Variants in RNLS observed in about 807,000 individuals in gnomAD.
RNLS encodes the protein renalase, FAD dependent amine oxidase, also known as renalase.
A neutral mutation model predicts 39.8 loss-of-function variants in RNLS; 39 were observed. That is an observed-to-expected ratio of 0.98 (90% CI 0.76 to 1.28). The LOEUF (loss-of-function observed/expected upper bound fraction) is 1.28. Ranked by LOEUF, RNLS falls within the 50% of genes most tolerant of loss-of-function variation. The probability of loss-of-function intolerance (pLI) is 0.00; values close to 1 mark genes in which losing one functional copy is unlikely to be tolerated. For synonymous variants in RNLS, 147 were observed against 150.7 expected (o/e 0.98, Z 0.18); for missense variants, 410 against 413.3 (o/e 0.99, Z 0.07).
At chr10:88,499,290 AG>A (rs1845338715) in intron 4 of RNLS, among the ~76,000 whole-genome samples, 2 of 152,106 alleles carry the variant, frequency 1.3e-5, no homozygotes, top group Non-Finnish European at 1.5e-5. Context: ...TTGATCTCTC[AG>A]GGTGCAAAGC....
intron 4 of RNLS, among the ~76,000 whole-genome samples, chr10:88,562,206 CAT>C (rs1228315823): frequency 1.3e-5 from 2 of 151,932 alleles, no homozygotes; most frequent in East Asian, 3.9e-4. Flanking sequence ...GCATTAAGAG[CAT>C]CAGTTTATAA....
the RNLS span, among the ~76,000 whole-genome samples, chr10:88,203,974 A>G: frequency 5.9e-5 from 9 of 152,204 alleles, no homozygotes; most frequent in South Asian, 2.1e-4. Flanking sequence ...TCAGTCTTAC[A>G]CAAGTATTTT....
chr10:88,240,901 AT>A, the RNLS span, among the ~76,000 whole-genome samples: 11 of 149,654 alleles, frequency 7.4e-5, no homozygotes, highest in East Asian at 3.9e-4. Flanking sequence ...GTTGGCAAAG[AT>A]TTTTTTTTTC....
intron 4 of RNLS, among the ~76,000 whole-genome samples, chr10:88,476,502 C>G (rs1843830392): frequency 6.6e-6 from 1 of 152,114 alleles, no homozygotes; most frequent in African/African-American, 2.4e-5. Context: ...ACGGGGACAA[C>G]AGAGTAAATA....
chr10:88,287,251 A>G (rs117986824), intron 6 of RNLS, among the ~76,000 whole-genome samples: 1 of 152,292 alleles, frequency 6.6e-6, no homozygotes, highest in East Asian at 1.9e-4. Flanking sequence ...ACAAAAGTGA[A>G]ATATTAAGAG....
At chr10:88,480,152 C>T (rs1844071327) in intron 4 of RNLS, among the ~76,000 whole-genome samples, 1 of 152,208 alleles carries the variant, frequency 6.6e-6, no homozygotes, top group African/African-American at 2.4e-5. Context: ...TTTACTTCTA[C>T]CTTTGAGACA....
intron 4 of RNLS, among the ~76,000 whole-genome samples, chr10:88,392,131 A>T (rs1341803793): frequency 6.6e-6 from 1 of 152,270 alleles, no homozygotes; most frequent in Non-Finnish European, 1.5e-5. Context: ...ATTTTCAATT[A>T]TTTGTAGAAA....
chr10:88,341,769 G>A (rs1470236591), intron 5 of RNLS, among the ~76,000 whole-genome samples: 2 of 152,038 alleles, frequency 1.3e-5, no homozygotes, highest in African/African-American at 4.8e-5. Context: ...TAGCTTAAAT[G>A]TACTAAATTG....
At chr10:88,443,070 T>C (rs149251543) in intron 4 of RNLS, among the ~76,000 whole-genome samples, 1 of 152,342 alleles carries the variant, frequency 6.6e-6, no homozygotes, top group East Asian at 1.9e-4. Flanking sequence ...CGCCTGAAGA[T>C]TTAATCTGTT....
chr10:88,359,909 T>C (rs1478682233), intron 5 of RNLS, among the ~76,000 whole-genome samples: 2 of 152,356 alleles, frequency 1.3e-5, no homozygotes, highest in South Asian at 2.1e-4. Flanking sequence ...CCTTTCATAG[T>C]AGAAAATATC....
intron 6 of RNLS, among the ~76,000 whole-genome samples, chr10:88,285,896 G>A (rs895170161): frequency 6.6e-6 from 1 of 151,970 alleles, no homozygotes; most frequent in African/African-American, 2.4e-5. Flanking sequence ...ATTAGATCAT[G>A]GGCAAACTCC....
intron 6 of RNLS, among the ~76,000 whole-genome samples, chr10:88,308,255 CCAAAAGCAATTGCAA>C (rs1186368481): frequency 6.6e-6 from 1 of 151,830 alleles, no homozygotes; most frequent in African/African-American, 2.4e-5. Flanking sequence ...AGCAATTGCG[CCAAAAGCAATTGCAA>C]CAAAAGCAAA....
At chr10:88,508,473 T>A (rs1845917131) in intron 4 of RNLS, among the ~76,000 whole-genome samples, 4 of 152,178 alleles carry the variant, frequency 2.6e-5, no homozygotes, top group African/African-American at 9.6e-5. Context: ...TCAGTACATG[T>A]GGCTAGGATT....
intron 4 of RNLS, among the ~76,000 whole-genome samples, chr10:88,546,869 G>A (rs1051121148): frequency 1.3e-5 from 2 of 149,652 alleles, no homozygotes; most frequent in African/African-American, 4.9e-5. Flanking sequence ...GCAGCCAGAC[G>A]TTGCAAGTCC....
At chr10:88,570,350 T>C (rs57834656) in intron 4 of RNLS, among the ~76,000 whole-genome samples, 2,752 of 152,338 alleles carry the variant, frequency 0.018, 48 homozygotes, top group Middle Eastern at 0.054. Context: ...TATGGGATTC[T>C]ATTAATGAGA....
At chr10:88,415,817 G>A (rs547041293) in intron 4 of RNLS, among the ~76,000 whole-genome samples, 1 of 152,300 alleles carries the variant, frequency 6.6e-6, no homozygotes, top group Non-Finnish European at 1.5e-5. Context: ...CAGCACTCTA[G>A]TGCCATGCAC....
intron 4 of RNLS, among the ~76,000 whole-genome samples, chr10:88,508,243 T>C (rs1845904548): frequency 6.6e-6 from 1 of 152,190 alleles, no homozygotes; most frequent in Admixed American, 6.6e-5. Flanking sequence ...TTCGTGGTTA[T>C]GATTGTTTTC....
chr10:88,285,298 C>A lies in RNLS; in HGVS notation c.*56G>T. On this transcript the variant is annotated 3_prime_UTR_variant, in exon 7 of 7. Coordinates refer to ENST00000331772, the MANE Select transcript of RNLS (RefSeq NM_001031709.3). Reference sequence around the variant, plus strand: ...AAATAGAAAACAAAATAATCAATAACAGAAAATTGTGAAAATAAAAACCCA... The same window carrying A: ...AAATAGAAAACAAAATAATCAATAAAAGAAAATTGTGAAAATAAAAACCCA... The A allele has an allele frequency of 7.0e-7, 1 of 1,436,670 alleles. No homozygotes were observed. Among genetic ancestry groups the A allele is most frequent in the East Asian group, 2.5e-5 (1 of 39,790 alleles). The allele number at this position is 1,436,670 out of a possible 1,614,324, so 89.0% of individuals were successfully genotyped here. A position where few individuals can be genotyped will look rare whatever the true frequency, so the allele number is the denominator to read the frequency against.
In RNLS at chr10:88,381,912, G is replaced by C. The variant is rs572875373; in HGVS notation, c.527-19187C>G. On this transcript the variant is annotated intron_variant, in intron 4 of 6. Coordinates refer to ENST00000331772, the MANE Select transcript of RNLS (RefSeq NM_001031709.3). ...AAAAATACAAAAATAACAATTTTTT[G>C]GTACATACAAATTATATGAAGTTCA... 2.2e-3 allele frequency among the ~76,000 whole-genome samples: 334 copies of C among 151,170 alleles called. 3 individuals carry two copies. Among genetic ancestry groups the C allele is most frequent in the African/African-American group, 6.7e-3 (277 of 41,140 alleles).
Sources: gnomAD v4.1 joint callset for allele counts (sites outside exome capture counted in the v4.1 genomes callset) on GRCh38, gnomAD v4.1.1 for gene constraint, MANE v1.5 for transcripts, NCBI Gene and HGNC (gene_info 2026-07-23, HGNC 2026-07-21) for gene names.